The following PLXNC1 variants were observed in gnomAD, a reference collection of about 807,000 sequenced individuals.
PLXNC1 encodes the protein plexin-C1.
A neutral mutation model predicts 178.2 loss-of-function variants in PLXNC1; 75 were observed. That is an observed-to-expected ratio of 0.42 (90% CI 0.35 to 0.51). PLXNC1 has a LOEUF of 0.51. PLXNC1 is among the 20% of genes least tolerant of loss of function. The pLI is 0.02. For synonymous variants in PLXNC1, 790 were observed against 779.9 expected, an observed-to-expected ratio of 1.01 and a Z score of -0.22; for missense variants, 1,503 against 1,984.4, an observed-to-expected ratio of 0.76 and a Z score of 4.61.
intron 4 of PLXNC1, among the ~76,000 whole-genome samples, chr12:94,202,722 G>A (rs78678783): frequency 6.6e-6 from 1 of 152,172 alleles, no homozygotes; most frequent in Non-Finnish European, 1.5e-5. Context: ...TGCTCTCCAC[G>A]AGGCACTATG....
Position 94,200,684 on chromosome 12 carries a change from A to G in PLXNC1, c.1440-8906A>G, listed in dbSNP as rs963018129. On this transcript the variant is annotated intron_variant, in intron 4 of 30. Transcript: ENST00000258526. The stretch of plus-strand genomic sequence containing the variant: ...CTGACTCAAGAGGTGTCATTTTCCC[A>G]TTTTTATTTCCATGCTGCTGTTTTT... 6.6e-5 allele frequency among the ~76,000 whole-genome samples: 10 copies of G among 152,236 alleles called. No homozygotes were observed. In the East Asian group the frequency reaches 1.9e-3, roughly 29 times the overall value.
chr12:94,152,909 G>T (rs927987904), intron 1 of PLXNC1, among the ~76,000 whole-genome samples: 6 of 152,152 alleles, frequency 3.9e-5, no homozygotes, highest in African/African-American at 7.2e-5. Flanking sequence ...GTACTCAGCT[G>T]TTTACACACT....
chr12:94,178,015 G>A (rs1962166456), intron 2 of PLXNC1, among the ~76,000 whole-genome samples: 1 of 152,158 alleles, frequency 6.6e-6, no homozygotes, highest in Non-Finnish European at 1.5e-5. Flanking sequence ...TTACTATCCA[G>A]TCTGTGTAAC....
At chr12:94,245,752 C>T (rs1226976774) in intron 12 of PLXNC1, among the ~76,000 whole-genome samples, 1 of 152,140 alleles carries the variant, frequency 6.6e-6, no homozygotes, top group Non-Finnish European at 1.5e-5. Flanking sequence ...GTGCTGGGAA[C>T]ATCACTCAAT....
intron 28 of PLXNC1, among the ~76,000 whole-genome samples, chr12:94,302,098 A>G (rs548106045): frequency 6.6e-6 from 1 of 152,204 alleles, no homozygotes; most frequent in South Asian, 2.1e-4. Context: ...CTAAAACATA[A>G]ATCTGATGAT....
At chr12:94,268,588 C>CTTTTTT (rs61265662) in intron 21 of PLXNC1, among the ~76,000 whole-genome samples, 129 of 90,734 alleles carry the variant, frequency 1.4e-3, no homozygotes, top group East Asian at 2.2e-3. Context: ...AGAATAAGAC[C>CTTTTTT]TTTTTTTTTT....
rs569088374 is a variant in PLXNC1, at chr12:94,169,304, T to C, written c.1203+11T>C. On this transcript the variant is annotated intron_variant, in intron 2 of 30. Transcript: ENST00000258526. The stretch of plus-strand genomic sequence containing the variant: ...GGCCAGTTACTTAAGGTTGGTTTTC[T>C]GTGCCTTCTTCAAATGTCTATTTTA... The C allele has an allele frequency of 1.5e-4, 238 of 1,611,682 alleles. 2 individuals carry two copies. In the South Asian group the frequency reaches 2.4e-3, roughly 16 times the overall value.
chr12:94,217,082 C>T (rs997230809), intron 5 of PLXNC1, among the ~76,000 whole-genome samples: 1 of 152,226 alleles, frequency 6.6e-6, no homozygotes, highest in African/African-American at 2.4e-5. Context: ...TCCACTCCAA[C>T]CTGGTTTCTG....
intron 11 of PLXNC1, among the ~76,000 whole-genome samples, chr12:94,241,625 G>A (rs1289636249): frequency 6.6e-6 from 1 of 152,136 alleles, no homozygotes; most frequent in Non-Finnish European, 1.5e-5. Context: ...TTGTCTTTCT[G>A]TGCCTGGCTT....
chr12:94,292,315 G>T (rs1270645080), intron 23 of PLXNC1, among the ~76,000 whole-genome samples: 1 of 152,132 alleles, frequency 6.6e-6, no homozygotes, highest in East Asian at 1.9e-4. Flanking sequence ...TCTCGGAAGG[G>T]ACAATGGGAG....
At position 94,149,254 on chromosome 12, in the gene PLXNC1, C is replaced by T. The variant is rs749341509; in HGVS notation, c.283C>T (p.Pro95Ser). 2.3e-5 allele frequency: 36 copies of T among 1,545,730 alleles called. No individual in the cohort carries two copies. Among genetic ancestry groups the T allele is most frequent in the African/African-American group, 2.9e-5 (2 of 70,138 alleles). ...GNCTEPVSLA[P>S]PARPRPGSSF... Reference sequence around the variant, plus strand: ...CTGCACAGAGCCGGTCTCGCTGGCGCCCCCCGCGCGGCCCCGGCCCGGGAG... The same window carrying T: ...CTGCACAGAGCCGGTCTCGCTGGCGTCCCCCGCGCGGCCCCGGCCCGGGAG... Residue 95 changes from proline (P) to serine (S), a missense_variant, in exon 1 of 31, where the codon CCC (proline) becomes TCC (serine). Pro to Ser is a moderately conservative substitution (Grantham distance 74, BLOSUM62 -1). Around this residue, in one of 4 missense-constraint regions of PLXNC1, gnomAD observed 176 missense variants for 180.7 expected, o/e 0.97. Transcript: ENST00000258526.
chr12:94,288,283 A>G (rs1171147886), intron 23 of PLXNC1, among the ~76,000 whole-genome samples: 1 of 152,228 alleles, frequency 6.6e-6, no homozygotes, highest in Non-Finnish European at 1.5e-5. Flanking sequence ...CAGTCCGTGA[A>G]GATGACAGTT....
chr12:94,223,724 G>T (rs1963858204), intron 6 of PLXNC1, among the ~76,000 whole-genome samples: 1 of 152,158 alleles, frequency 6.6e-6, no homozygotes, highest in African/African-American at 2.4e-5. Flanking sequence ...TCACAGATTT[G>T]GTGACAGTTG....
chr12:94,186,127 C>T, intron 3 of PLXNC1: 1 of 402,658 alleles, frequency 2.5e-6, no homozygotes, highest in East Asian at 4.1e-5. Flanking sequence ...CTAGGCTCTG[C>T]CCCCAGACTT....
At chr12:94,200,526 T>C (rs1963081472) in intron 4 of PLXNC1, among the ~76,000 whole-genome samples, 1 of 152,192 alleles carries the variant, frequency 6.6e-6, no homozygotes, top group Non-Finnish European at 1.5e-5. Context: ...TGATATTGCT[T>C]TCAGGAGGAT....
intron 4 of PLXNC1, among the ~76,000 whole-genome samples, chr12:94,191,263 A>G (rs1018534047): frequency 2.0e-5 from 3 of 152,198 alleles, no homozygotes; most frequent in Non-Finnish European, 4.4e-5. Flanking sequence ...TCTGTGACTC[A>G]TATGAAGCTC....
At chr12:94,290,486 G>A (rs1200992684) in intron 23 of PLXNC1, among the ~76,000 whole-genome samples, 1 of 152,248 alleles carries the variant, frequency 6.6e-6, no homozygotes, top group Non-Finnish European at 1.5e-5. Context: ...GCAGAGGCCT[G>A]ATGGCCCCAG....
intron 4 of PLXNC1, among the ~76,000 whole-genome samples, chr12:94,198,134 C>T (rs1156398444): frequency 6.6e-6 from 1 of 152,156 alleles, no homozygotes; most frequent in Admixed American, 6.5e-5. Context: ...CCCAAATGCC[C>T]ATCCATGATA....
chr12:94,233,063 G>C (rs534398436), intron 9 of PLXNC1, among the ~76,000 whole-genome samples: 4 of 152,150 alleles, frequency 2.6e-5, no homozygotes, highest in Non-Finnish European at 5.9e-5. Context: ...GCCTGCCCCC[G>C]ATCCATGCCA....
Sources: allele counts gnomAD v4.1 joint callset (sites outside exome capture counted in the v4.1 genomes callset), GRCh38; gene constraint gnomAD v4.1.1; regional missense constraint gnomAD v4.1.1; transcripts MANE v1.5; gene names NCBI Gene and HGNC (gene_info 2026-07-23, HGNC 2026-07-21).